The following GRID1 variants were observed in gnomAD, a reference collection of about 807,000 sequenced individuals.
GRID1 encodes glutamate receptor ionotropic, delta-1.
In GRID1, 28 loss-of-function variants were observed where a neutral mutation model predicts 98.0. That is an observed-to-expected ratio of 0.29 (90% CI 0.21 to 0.39). The LOEUF is 0.39. Ranked by LOEUF, GRID1 falls within the 10% of genes least tolerant of loss-of-function variation. The pLI is 1.00. For missense variants in GRID1, 1,111 were observed against 1,340.5 expected, an observed-to-expected ratio of 0.83 and a Z score of 2.67; for synonymous variants, 553 against 538.5, an observed-to-expected ratio of 1.03 and a Z score of -0.37.
chr10:86,359,081 A>T (rs1177104502), intron 2 of GRID1, among the ~76,000 whole-genome samples: 3 of 152,188 alleles, frequency 2.0e-5, no homozygotes, highest in Admixed American at 1.3e-4. Context: ...GACCTGCAGA[A>T]CTGCAAGAGA....
At chr10:85,703,680 T>G (rs1359147310) in intron 12 of GRID1, among the ~76,000 whole-genome samples, 2 of 152,114 alleles carry the variant, frequency 1.3e-5, no homozygotes, top group Non-Finnish European at 2.9e-5. Flanking sequence ...AATGCTTAAC[T>G]TCAGGTAGGA....
chr10:85,642,236 C>T (rs1292716518), intron 13 of GRID1, among the ~76,000 whole-genome samples: 4 of 152,154 alleles, frequency 2.6e-5, no homozygotes, highest in African/African-American at 7.2e-5. Context: ...GTCCAATAAA[C>T]CTTTATAAAA....
At chr10:85,799,583 C>G (rs901896404) in intron 8 of GRID1, among the ~76,000 whole-genome samples, 3 of 152,052 alleles carry the variant, frequency 2.0e-5, no homozygotes, top group African/African-American at 7.2e-5. Context: ...AATGGATGAA[C>G]CTAGAGGACA....
rs1446642465 is a variant in GRID1, at chr10:86,365,355, T to G, written c.79+959A>C. ...TCCGGAAAGACGACTGCGGAGGGAC[T>G]CCCCCAAAGCGACCGCTGTCAGCCC... On this transcript the variant is annotated intron_variant, in intron 1 of 15. Coordinates refer to ENST00000327946, the MANE Select transcript of GRID1 (RefSeq NM_017551.3). The surrounding 1 kb of genome is among the most constrained non-coding windows in gnomAD (Gnocchi z 4.8). Among the ~76,000 whole-genome samples the G allele has an allele frequency of 7.1e-6, 1 of 141,232 alleles. No individual in the cohort carries two copies. The highest frequency in any genetic ancestry group is 2.7e-5 in the African/African-American group (1 of 36,838). 92.7% of individuals were successfully genotyped at this position (141,232 alleles called of 152,430 possible). A position where few individuals can be genotyped will look rare whatever the true frequency, so the allele number is the denominator to read the frequency against.
At chr10:86,086,882 T>A (rs1267968459) in intron 4 of GRID1, among the ~76,000 whole-genome samples, 1 of 152,172 alleles carries the variant, frequency 6.6e-6, no homozygotes, top group South Asian at 2.1e-4. Context: ...CACAGCTGTA[T>A]GCCCAGGACA....
intron 12 of GRID1, among the ~76,000 whole-genome samples, chr10:85,686,683 T>C (rs1296964616): frequency 6.6e-6 from 1 of 152,070 alleles, no homozygotes; most frequent in African/African-American, 2.4e-5. Context: ...TGATCTAAAA[T>C]ATCAAAGATA....
intron 8 of GRID1, among the ~76,000 whole-genome samples, chr10:85,846,309 G>C (rs1843004484): frequency 1.3e-5 from 2 of 152,212 alleles, no homozygotes; most frequent in African/African-American, 4.8e-5. Context: ...TGAGGGGGCA[G>C]ATCACTTGAG....
chr10:86,088,894 A>G (rs1844103114), intron 4 of GRID1, among the ~76,000 whole-genome samples: 2 of 151,170 alleles, frequency 1.3e-5, no homozygotes. Flanking sequence ...CAATAGATGC[A>G]GGCAAAAAAA....
chr10:86,315,462 C>T (rs751256616), intron 2 of GRID1, among the ~76,000 whole-genome samples: 2 of 152,184 alleles, frequency 1.3e-5, no homozygotes, highest in East Asian at 1.9e-4. Context: ...TCTAATGAGT[C>T]CAGGGCTGGG....
At chr10:86,006,418 A>G (rs537824682) in intron 4 of GRID1, among the ~76,000 whole-genome samples, 2 of 152,180 alleles carry the variant, frequency 1.3e-5, no homozygotes, top group Non-Finnish European at 2.9e-5. Flanking sequence ...CAAGAGATCG[A>G]GACCATTCTG....
At chr10:85,605,996 G>A (rs1842655744) in intron 15 of GRID1, 1 of 152,386 alleles carries the variant, frequency 6.6e-6, no homozygotes, top group African/African-American at 2.4e-5. Context: ...GGATTGTCAA[G>A]TGCCAAGCTG....
intron 14 of GRID1, among the ~76,000 whole-genome samples, chr10:85,617,785 T>C (rs962700262): frequency 1.3e-5 from 2 of 152,232 alleles, no homozygotes; most frequent in Non-Finnish European, 2.9e-5. Context: ...ATGGTGACTA[T>C]TGGAGTCAGG....
At chr10:86,044,282 AC>A (rs1843387960) in intron 4 of GRID1, among the ~76,000 whole-genome samples, 1 of 152,236 alleles carries the variant, frequency 6.6e-6, no homozygotes, top group Non-Finnish European at 1.5e-5. Flanking sequence ...CTAGGTAAAG[AC>A]CTGCTTCGTT....
At chr10:86,211,074 G>A (rs760082063) in intron 2 of GRID1, among the ~76,000 whole-genome samples, 3 of 151,906 alleles carry the variant, frequency 2.0e-5, no homozygotes, top group Non-Finnish European at 2.9e-5. Flanking sequence ...CTTTCTTCTT[G>A]GGGGGGTCAA....
chr10:86,078,747 T>G (rs1020721011), intron 4 of GRID1, among the ~76,000 whole-genome samples: 3 of 152,028 alleles, frequency 2.0e-5, no homozygotes, highest in African/African-American at 7.2e-5. Context: ...GGCAGGAAGG[T>G]GTCTGGCCCC....
intron 2 of GRID1, among the ~76,000 whole-genome samples, chr10:86,214,441 T>C (rs990249321): frequency 2.0e-5 from 3 of 152,242 alleles, no homozygotes; most frequent in African/African-American, 7.2e-5. Context: ...CTCACCATGG[T>C]TTGCCTTCCT....
chr10:86,273,574 G>A (rs985433451), intron 2 of GRID1, among the ~76,000 whole-genome samples: 89 of 151,590 alleles, frequency 5.9e-4, no homozygotes, highest in Non-Finnish European at 1.1e-3. Context: ...TCCAGCACCT[G>A]TTGTTTCCTG....
intron 2 of GRID1, among the ~76,000 whole-genome samples, chr10:86,207,052 G>T (rs761328653): frequency 6.6e-6 from 1 of 152,160 alleles, no homozygotes; most frequent in Non-Finnish European, 1.5e-5. Flanking sequence ...TCATTGTGTT[G>T]ATCTGTGCAT....
intron 6 of GRID1, among the ~76,000 whole-genome samples, chr10:85,866,338 T>C (rs977226968): frequency 1.3e-5 from 2 of 149,872 alleles, no homozygotes; most frequent in Non-Finnish European, 3.0e-5. Context: ...ATGTTCACCC[T>C]TTCCATGGAA....
Sources: gnomAD v4.1 joint callset for allele counts (sites outside exome capture counted in the v4.1 genomes callset) on GRCh38, gnomAD v4.1.1 for gene constraint, Gnocchi (gnomAD v3.1) non-coding constraint, MANE v1.5 for transcripts, NCBI Gene and HGNC (gene_info 2026-07-23, HGNC 2026-07-21) for gene names.